The following ST6GALNAC5 variants were observed in gnomAD, a reference collection of about 807,000 sequenced individuals.
ST6GALNAC5 encodes alpha-N-acetylgalactosaminide alpha-2,6-sialyltransferase 5.
ST6GALNAC5 carries 27 observed loss-of-function variants against 33.6 expected under a neutral mutation model. The observed-to-expected ratio is 0.80, with a 90% CI of 0.59 to 1.11. The LOEUF is 1.11. Ranked by LOEUF, ST6GALNAC5 falls within the 50% of genes least tolerant of loss-of-function variation. The pLI is 0.00. For missense variants in ST6GALNAC5, 428 were observed against 454.0 expected, an observed-to-expected ratio of 0.94 and a Z score of 0.52; for synonymous variants, 194 against 171.2, an observed-to-expected ratio of 1.13 and a Z score of -1.04.
In ST6GALNAC5 at chr1:77,063,208, G is replaced by T; in HGVS notation, c.*2G>T. ...CCTGAGAATAAACCTGTGTTCTAAG[G>T]AATGAGCATGCCAGACTGTAATCCC... On this transcript the variant is annotated 3_prime_UTR_variant, in exon 5 of 5. Coordinates refer to ENST00000477717, the MANE Select transcript of ST6GALNAC5 (RefSeq NM_030965.3). 2 of 1,612,418 alleles carry T rather than the reference G, an allele frequency of 1.2e-6. No homozygotes were observed. The highest frequency in any genetic ancestry group is 1.7e-6 in the Non-Finnish European group (2 of 1,178,806).
rs917178629 is a variant in ST6GALNAC5, at chr1:76,971,737, C to T, written c.262-72467C>T. On this transcript the variant is annotated intron_variant, in intron 2 of 4. Coordinates refer to ENST00000477717, the MANE Select transcript of ST6GALNAC5 (RefSeq NM_030965.3). ...ACAAAGCCTGTTTTGTATTGAATAC[C>T]GTACTGAAAGTGAAAAAAAGGATAG... Among the ~76,000 whole-genome samples the T allele has an allele frequency of 1.4e-4, 21 of 152,042 alleles. No individual in the cohort carries two copies. The East Asian group carries it at 1.5e-3, about 11-fold the overall frequency.
At chr1:76,990,855 G>GTAGTTGGGGATTT (rs1649694822) in intron 2 of ST6GALNAC5, among the ~76,000 whole-genome samples, 1 of 152,174 alleles carries the variant, frequency 6.6e-6, no homozygotes, top group Non-Finnish European at 1.5e-5. Flanking sequence ...GGATAGTGCA[G>GTAGTTGGGGATTT]TAGTTGGGGA....
chr1:77,013,718 C>T (rs1470427043), intron 2 of ST6GALNAC5, among the ~76,000 whole-genome samples: 1 of 152,148 alleles, frequency 6.6e-6, no homozygotes, highest in Non-Finnish European at 1.5e-5. Flanking sequence ...TGCATTGACA[C>T]GGGGGCTCAC....
chr1:77,005,177 G>A (rs907640508), intron 2 of ST6GALNAC5, among the ~76,000 whole-genome samples: 10 of 152,248 alleles, frequency 6.6e-5, no homozygotes, highest in South Asian at 2.1e-4. Flanking sequence ...AGCCAGGTGC[G>A]GGATATAATC....
Position 76,867,688 on chromosome 1 carries a change from A to G in ST6GALNAC5, c.13A>G (p.Met5Val), listed in dbSNP as rs1002476869. The part of the protein sequence containing the change: MKTL[M>V]RHGLAVCLAL... The stretch of plus-strand genomic sequence containing the variant: ...AGAGGTGCCCAAAATGAAGACCCTG[A>G]TGGTGAGTCAGTTGTGGCAACTCCA... The change falls in exon 1 of 5, where the codon ATG becomes GTG. Residue 5 changes from methionine (M) to valine (V), a missense_variant and splice_region_variant. Transcript: ENST00000477717. 22 of 1,613,958 alleles carry G rather than the reference A, an allele frequency of 1.4e-5. No individual in the cohort carries two copies. The highest frequency in any genetic ancestry group is 1.9e-5 in the Non-Finnish European group (22 of 1,179,986).
At chr1:76,930,988 T>C (rs1647135122) in intron 2 of ST6GALNAC5, among the ~76,000 whole-genome samples, 2 of 152,106 alleles carry the variant, frequency 1.3e-5, no homozygotes, top group Admixed American at 1.3e-4. Context: ...GCATAACCAG[T>C]ACAATATGGC....
intron 2 of ST6GALNAC5, among the ~76,000 whole-genome samples, chr1:76,915,490 A>T (rs556533836): frequency 7.2e-5 from 11 of 152,330 alleles, no homozygotes; most frequent in African/African-American, 2.6e-4. Flanking sequence ...TGGCATATAT[A>T]CACCATGGAA....
At chr1:76,915,558 C>G (rs1646962677) in intron 2 of ST6GALNAC5, among the ~76,000 whole-genome samples, 1 of 151,968 alleles carries the variant, frequency 6.6e-6, no homozygotes, top group South Asian at 2.1e-4. Context: ...ATGGATGAAA[C>G]TGGAAATCAT....
chr1:76,869,255 G>A (rs1653440602), intron 2 of ST6GALNAC5, among the ~76,000 whole-genome samples: 1 of 152,158 alleles, frequency 6.6e-6, no homozygotes, highest in Admixed American at 6.5e-5. Flanking sequence ...CTGGGGAGTG[G>A]TGCCCAGGCA....
chr1:77,019,300 G>C (rs1650967571), intron 2 of ST6GALNAC5, among the ~76,000 whole-genome samples: 1 of 152,184 alleles, frequency 6.6e-6, no homozygotes. Context: ...GGAAATTGCA[G>C]GGCAGTGCAC....
chr1:76,926,282 C>CT (rs1647084857), intron 2 of ST6GALNAC5, among the ~76,000 whole-genome samples: 3 of 152,112 alleles, frequency 2.0e-5, no homozygotes, highest in Admixed American at 1.3e-4. Flanking sequence ...GCATATAAAT[C>CT]TTTTGCAAAA....
intron 2 of ST6GALNAC5, among the ~76,000 whole-genome samples, chr1:76,992,489 C>CTTTAA (rs71244409): frequency 0.63 from 94,539 of 150,530 alleles, 29,756 homozygotes; most frequent in East Asian, 0.72. Flanking sequence ...TGTGGTCCCT[C>CTTTAA]TTTAATTTAA....
chr1:76,972,514 AATCT>A (rs1046144205), intron 2 of ST6GALNAC5, among the ~76,000 whole-genome samples: 8 of 152,152 alleles, frequency 5.3e-5, no homozygotes, highest in Non-Finnish European at 1.0e-4. Flanking sequence ...CACATAGAAA[AATCT>A]TTATTTTTTC....
At chr1:77,061,235 G>T (rs1570151466) in intron 4 of ST6GALNAC5, among the ~76,000 whole-genome samples, 1 of 152,172 alleles carries the variant, frequency 6.6e-6, no homozygotes, top group East Asian at 1.9e-4. Flanking sequence ...TCCAAACCAG[G>T]ATAAGGAATG....
chr1:77,054,080 G>C (rs1652312982), intron 4 of ST6GALNAC5, among the ~76,000 whole-genome samples: 1 of 152,196 alleles, frequency 6.6e-6, no homozygotes, highest in African/African-American at 2.4e-5. Context: ...TATTCATTCA[G>C]CTAACTCGTG....
intron 2 of ST6GALNAC5, among the ~76,000 whole-genome samples, chr1:76,869,430 TG>T (rs1388876768): frequency 6.6e-6 from 1 of 152,254 alleles, no homozygotes. Context: ...AATAAATATC[TG>T]GTTTCAGTGT....
At chr1:76,980,431 T>C (rs981913231) in intron 2 of ST6GALNAC5, among the ~76,000 whole-genome samples, 2 of 152,208 alleles carry the variant, frequency 1.3e-5, no homozygotes, top group African/African-American at 4.8e-5. Flanking sequence ...GTGGTTAATT[T>C]CTATGACTGT....
At chr1:77,050,716 T>G (rs1380479963) in intron 4 of ST6GALNAC5, among the ~76,000 whole-genome samples, 1 of 152,258 alleles carries the variant, frequency 6.6e-6, no homozygotes, top group African/African-American at 2.4e-5. Flanking sequence ...AATTTTTTAA[T>G]GAATTAAAGA....
rs1557703003 is a variant in ST6GALNAC5 at position 76,868,377 on chromosome 1, G to A, written c.16-120G>A. 7 of 1,410,832 alleles carry A rather than the reference G, an allele frequency of 5.0e-6. No homozygotes were observed. The highest frequency in any genetic ancestry group is 6.6e-6 in the Non-Finnish European group (7 of 1,068,038). 87.4% of individuals were successfully genotyped at this position (1,410,832 alleles called of 1,614,324 possible). ...CCCAGTTGCGTGCGGCGGGGCTGGG[G>A]CCCAGGCCGCCCCAAATCTCCCCCA... On this transcript the variant is annotated intron_variant, in intron 1 of 4. Transcript: ENST00000477717. This position sits in a 1 kb window ranked among gnomAD's most constrained non-coding sequence, Gnocchi z 4.3.
Sources: gnomAD v4.1 joint callset for allele counts (sites outside exome capture counted in the v4.1 genomes callset) on GRCh38, gnomAD v4.1.1 for gene constraint, Gnocchi (gnomAD v3.1) non-coding constraint, MANE v1.5 for transcripts, NCBI Gene and HGNC (gene_info 2026-07-23, HGNC 2026-07-21) for gene names.